The following NBAS variants were observed in gnomAD, a reference collection of about 807,000 sequenced individuals.
NBAS encodes NAG/BC035112 fusion.
In NBAS, 219 loss-of-function variants were observed where a neutral mutation model predicts 302.5. The ratio of observed to expected loss-of-function variants is 0.72; its 90% CI spans 0.65 to 0.81. The LOEUF (loss-of-function observed/expected upper bound fraction) is 0.81. Ranked by LOEUF, NBAS falls within the 30% of genes least tolerant of loss-of-function variation. The pLI is 0.00. For missense variants in NBAS, 2,932 were observed against 2,841.6 expected (o/e 1.03, Z -0.72); for synonymous variants, 1,118 against 1,021.6 (o/e 1.09, Z -1.80).
the NBAS span, among the ~76,000 whole-genome samples, chr2:14,976,755 G>C: frequency 1.3e-5 from 2 of 152,186 alleles, no homozygotes; most frequent in Admixed American, 1.3e-4. Flanking sequence ...GACAGGAAAA[G>C]AGGACAGACA....
chr2:14,973,110 T>C, the NBAS span, among the ~76,000 whole-genome samples: 1 of 152,188 alleles, frequency 6.6e-6, no homozygotes, highest in African/African-American at 2.4e-5. Flanking sequence ...CAGTGACTGA[T>C]CGCAACATAA....
At chr2:14,930,345 T>C in the NBAS span, among the ~76,000 whole-genome samples, 1 of 152,206 alleles carries the variant, frequency 6.6e-6, no homozygotes, top group Non-Finnish European at 1.5e-5. Context: ...ATTTTAGAGT[T>C]AGCCTGTGCT....
chr2:15,357,601 G>T (rs1432977773), intron 32 of NBAS, among the ~76,000 whole-genome samples: 1 of 152,136 alleles, frequency 6.6e-6, no homozygotes, highest in African/African-American at 2.4e-5. Flanking sequence ...CTGGGCTCAA[G>T]TGATCCCCAT....
chr2:15,467,556 G>T lies in NBAS; in HGVS notation c.2018+108C>A. On this transcript the variant is annotated intron_variant, in intron 18 of 51. Transcript: ENST00000281513. Reference sequence around the variant, plus strand: ...GGGTAAGATAATAGTAAGTACATTTGATCTAAGTTGCTAAAATAATTTGGA... The same window carrying T: ...GGGTAAGATAATAGTAAGTACATTTTATCTAAGTTGCTAAAATAATTTGGA... 8 of 1,304,172 alleles carry T rather than the reference G, an allele frequency of 6.1e-6. No individual in the cohort carries two copies. In the South Asian group the frequency reaches 8.8e-5, roughly 14 times the overall value. The allele number at this position is 1,304,172 out of a possible 1,614,324, so 80.8% of individuals were successfully genotyped here.
chr2:14,813,774 A>G, the NBAS span, among the ~76,000 whole-genome samples: 3 of 152,226 alleles, frequency 2.0e-5, no homozygotes, highest in Non-Finnish European at 2.9e-5. Flanking sequence ...AGAATTTTAC[A>G]TAAGTAAAGG....
intron 12 of NBAS, among the ~76,000 whole-genome samples, chr2:15,479,071 C>T (rs1680314024): frequency 1.3e-5 from 2 of 152,118 alleles, no homozygotes; most frequent in Admixed American, 1.3e-4. Context: ...ACAAAATACA[C>T]ACATGTTTAC....
chr2:15,482,966 G>A (rs1413614702), intron 12 of NBAS, among the ~76,000 whole-genome samples: 2 of 152,056 alleles, frequency 1.3e-5, no homozygotes, highest in Non-Finnish European at 2.9e-5. Context: ...AGCCTAATAT[G>A]CCATCATTTT....
the NBAS span, among the ~76,000 whole-genome samples, chr2:15,098,000 T>C: frequency 4.3e-3 from 370 of 86,846 alleles, 15 homozygotes; most frequent in African/African-American, 0.018. Flanking sequence ...ATATTGTATA[T>C]AATATATATA....
At chr2:15,556,483 T>C (rs1664651746) in intron 3 of NBAS, among the ~76,000 whole-genome samples, 6 of 152,154 alleles carry the variant, frequency 3.9e-5, no homozygotes, top group Admixed American at 3.9e-4. Flanking sequence ...TTTTAAAAGA[T>C]ATGCAGGCTA....
chr2:15,132,557 C>T, the NBAS span, among the ~76,000 whole-genome samples: 4 of 152,038 alleles, frequency 2.6e-5, no homozygotes, highest in Non-Finnish European at 5.9e-5. Context: ...CAAGAATGGT[C>T]CCCTAATAAA....
chr2:14,784,141 G>A, the NBAS span, among the ~76,000 whole-genome samples: 6 of 152,204 alleles, frequency 3.9e-5, no homozygotes, highest in South Asian at 2.1e-4. Flanking sequence ...GTCTGTTCAT[G>A]TCCTTTGCCC....
the NBAS span, among the ~76,000 whole-genome samples, chr2:14,935,972 C>G: frequency 6.6e-6 from 1 of 152,210 alleles, no homozygotes; most frequent in Non-Finnish European, 1.5e-5. Context: ...CTGGCCAATT[C>G]AACCTCGTCA....
chr2:15,458,207 T>C lies in NBAS; in HGVS notation c.2339+2994A>G, dbSNP rs185591977. 2.2e-4 allele frequency among the ~76,000 whole-genome samples: 34 copies of C among 152,270 alleles called. No homozygotes were observed. In the East Asian group the frequency reaches 6.4e-3, roughly 29 times the overall value. On this transcript the variant is annotated intron_variant, in intron 21 of 51. Transcript: ENST00000281513. ...ATAACACAGTGTAAAAAGTGTTACA[T>C]TATGAAAATAAAGAAAGAATTATGA...
At position 15,506,767 on chromosome 2, in the gene NBAS, T is replaced by C. The variant is rs145695801; in HGVS notation, c.886-2554A>G. Reference sequence around the variant, plus strand: ...AGTAGACACCAATGTACAAATATTATGTATGTGACAATGCAGAAACAAAAC... The same window carrying C: ...AGTAGACACCAATGTACAAATATTACGTATGTGACAATGCAGAAACAAAAC... On this transcript the variant is annotated intron_variant, in intron 10 of 51. Transcript: ENST00000281513. 3.1e-3 allele frequency among the ~76,000 whole-genome samples: 478 copies of C among 152,078 alleles called. 1 individual carries two copies. The highest frequency in any genetic ancestry group is 0.011 in the African/African-American group (458 of 41,484).
At chr2:15,233,403 G>A (rs1021757796) in intron 46 of NBAS, among the ~76,000 whole-genome samples, 1 of 151,976 alleles carries the variant, frequency 6.6e-6, no homozygotes, top group East Asian at 1.9e-4. Context: ...CTATTCCATC[G>A]TATTTTAATT....
chr2:15,250,836 T>C (rs189658356), intron 44 of NBAS, among the ~76,000 whole-genome samples: 4 of 152,220 alleles, frequency 2.6e-5, no homozygotes, highest in Non-Finnish European at 4.4e-5. Context: ...TGTGGAGAAA[T>C]AGGAACGCTT....
intron 28 of NBAS, among the ~76,000 whole-genome samples, chr2:15,391,316 A>G (rs1025120647): frequency 6.6e-6 from 1 of 152,118 alleles, no homozygotes; most frequent in Non-Finnish European, 1.5e-5. Flanking sequence ...TGTTTAACAT[A>G]CGTTCAAAAA....
At chr2:15,383,517 C>A (rs1263194418) in intron 28 of NBAS, among the ~76,000 whole-genome samples, 200 bp from the exon 29 acceptor site, 1 of 152,138 alleles carries the variant, frequency 6.6e-6, no homozygotes, top group African/African-American at 2.4e-5. Context: ...GAAAGTTGGG[C>A]AGCTATGCAT....
intron 7 of NBAS, chr2:15,538,224 T>A (rs571146893): frequency 2.5e-4 from 58 of 232,202 alleles, no homozygotes; most frequent in Admixed American, 1.1e-3. Flanking sequence ...TGTGACCAAA[T>A]ATAAAATTAC....
Sources: gnomAD v4.1 joint callset for allele counts (sites outside exome capture counted in the v4.1 genomes callset) on GRCh38, gnomAD v4.1.1 for gene constraint, MANE v1.5 for transcripts, NCBI Gene and HGNC (gene_info 2026-07-23, HGNC 2026-07-21) for gene names.